The following EDA variants were observed in gnomAD, a reference collection of about 807,000 sequenced individuals.
EDA encodes the protein ectodysplasin-A.
EDA carries 2 observed loss-of-function variants against 23.6 expected under a neutral mutation model. The ratio of observed to expected loss-of-function variants is 0.08; its 90% CI spans 0.03 to 0.27. The LOEUF (loss-of-function observed/expected upper bound fraction) is 0.27, where lower values mean the gene tolerates loss of function less well. EDA is among the 10% of genes least tolerant of loss of function. The pLI, the probability that EDA is intolerant of heterozygous loss-of-function variation, is 1.00. For synonymous variants in EDA, 131 were observed against 132.0 expected (o/e 0.99, Z 0.05); for missense variants, 229 against 324.2 (o/e 0.71, Z 2.26).
chrX:69,718,099 C>T (rs2147339547), intron 1 of EDA, among the ~76,000 whole-genome samples: 1 of 111,868 alleles, frequency 8.9e-6, no homozygotes, highest in South Asian at 3.8e-4. Flanking sequence ...GCCAATTAAA[C>T]CTCTTTTCTT....
chrX:69,889,999 G>A (rs1031817374), intron 1 of EDA, among the ~76,000 whole-genome samples: 5 of 111,690 alleles, frequency 4.5e-5, no homozygotes, highest in African/African-American at 1.6e-4. Context: ...TCTTTTCCAC[G>A]TGGATATTCG....
At chrX:70,018,910 C>G (rs2147497753) in intron 2 of EDA, among the ~76,000 whole-genome samples, 1 of 111,768 alleles carries the variant, frequency 8.9e-6, no homozygotes, top group South Asian at 3.7e-4. Flanking sequence ...AAACAGACAA[C>G]CCAAAGAATG....
chrX:69,683,152 C>T (rs1266952750), intron 1 of EDA, among the ~76,000 whole-genome samples: 2 of 111,119 alleles, frequency 1.8e-5, no homozygotes, highest in African/African-American at 6.5e-5. Context: ...AAAACAGTGC[C>T]TGACCAACAT....
chrX:69,948,744 G>C (rs991917684), intron 1 of EDA, among the ~76,000 whole-genome samples: 2 of 112,426 alleles, frequency 1.8e-5, no homozygotes, highest in Admixed American at 1.9e-4. Context: ...ATTAAAGATA[G>C]ATTCTAGTTC....
intron 1 of EDA, among the ~76,000 whole-genome samples, chrX:69,679,031 A>G (rs1934224156): frequency 1.1e-5 from 1 of 94,373 alleles, no homozygotes. Context: ...TTTAGCATGA[A>G]GGGTTGTTGA....
Position 70,027,998 on chromosome X carries a change from CT to C in EDA, c.669del (p.Gly224ValfsTer56). ...GGACCACCTGGTCCTCCAGGTCCTCCTGGTCCTCAAGGACCCCCTGGCCTCC... is the reference window on the plus strand; with the variant it reads ...GGACCACCTGGTCCTCCAGGTCCTCCGGTCCTCAAGGACCCCCTGGCCTCC... Reference protein sequence around the residue: ...VMGPPGPPGPPGPQGPPGLQG... With the variant: ...VMGPPGPPGPXGPQGPPGLQG... On this transcript the variant is annotated frameshift_variant, in exon 4 of 8. Transcript: ENST00000374552. LOFTEE classifies it high-confidence loss of function. 1 of 1,197,545 alleles carries C rather than the reference CT, an allele frequency of 8.4e-7. No individual in the cohort carries two copies. Among genetic ancestry groups the C allele is most frequent in the East Asian group, 3.0e-5 (1 of 33,031 alleles).
At chrX:69,687,615 A>G in intron 1 of EDA, 1 of 111,970 alleles carries the variant, frequency 8.9e-6, no homozygotes, top group Non-Finnish European at 1.9e-5. Flanking sequence ...TCCTTTAGGT[A>G]TCATTTTAAA....
intron 1 of EDA, among the ~76,000 whole-genome samples, chrX:69,955,577 T>C (rs1018094484): frequency 3.6e-5 from 4 of 111,729 alleles, no homozygotes; most frequent in African/African-American, 1.3e-4. Flanking sequence ...GAATTTTTTA[T>C]TTTTTGAACT....
At chrX:69,781,261 T>G (rs930643801) in intron 1 of EDA, among the ~76,000 whole-genome samples, 1 of 111,393 alleles carries the variant, frequency 9.0e-6, no homozygotes, top group African/African-American at 3.3e-5. Flanking sequence ...AAATTCTACC[T>G]AGGAGTAGAA....
intron 1 of EDA, among the ~76,000 whole-genome samples, chrX:69,798,518 G>C (rs1265658420): frequency 9.0e-6 from 1 of 111,287 alleles, no homozygotes; most frequent in African/African-American, 3.3e-5. Flanking sequence ...GAGGAACTTT[G>C]GAAACTCTAC....
chrX:69,622,467 A>G (rs1044727857), intron 1 of EDA, among the ~76,000 whole-genome samples: 1 of 112,192 alleles, frequency 8.9e-6, no homozygotes, highest in African/African-American at 3.2e-5. Context: ...AAGACTGATG[A>G]GGTTGTGCTC....
intron 1 of EDA, among the ~76,000 whole-genome samples, chrX:69,632,322 A>G (rs986000071): frequency 9.0e-6 from 1 of 111,637 alleles, no homozygotes; most frequent in Non-Finnish European, 1.9e-5. Context: ...CATTGCTCCA[A>G]TCACCCTCTT....
intron 1 of EDA, among the ~76,000 whole-genome samples, chrX:69,931,632 A>G (rs2018600206): frequency 8.9e-6 from 1 of 112,329 alleles, no homozygotes; most frequent in Admixed American, 9.4e-5. Context: ...AATTAAAGCC[A>G]TAATGAGAGA....
chrX:70,031,393 T>TGAAC (rs1459456563), intron 6 of EDA, among the ~76,000 whole-genome samples: 1 of 111,821 alleles, frequency 8.9e-6, no homozygotes, highest in Non-Finnish European at 1.9e-5. Context: ...CAAAGAAACA[T>TGAAC]GAACATTCAT....
At chrX:69,884,050 C>A (rs779343171) in intron 1 of EDA, among the ~76,000 whole-genome samples, 1 of 110,523 alleles carries the variant, frequency 9.0e-6, no homozygotes, top group Non-Finnish European at 1.9e-5. Context: ...GGCAATAGAG[C>A]AAGACCCTAT....
Position 69,616,551 on chromosome X carries a change from GGGCACCCCT to G in EDA, c.250_258del (p.Pro84_Thr86del), listed in dbSNP as rs763527972. On this transcript the variant is annotated inframe_deletion, in exon 1 of 8. Transcript: ENST00000374552. ...GAGCCGAGTCCCGCCTTGGCGGCTC[GGGCACCCCT>G]GGCACCTCTGGCACCCTAAGCAGCC... 53 of 1,209,715 alleles carry G rather than the reference GGGCACCCCT, an allele frequency of 4.4e-5. No homozygotes were observed. The highest frequency in any genetic ancestry group is 4.9e-5 in the Non-Finnish European group (44 of 894,891).
chrX:69,693,786 A>T (rs1934780434), intron 1 of EDA, among the ~76,000 whole-genome samples: 1 of 112,097 alleles, frequency 8.9e-6, no homozygotes, highest in South Asian at 3.7e-4. Context: ...GGAGTGCTCC[A>T]TAAAGGAAAT....
At position 69,982,304 on chromosome X, in the gene EDA, G is replaced by T. The variant is rs146275494; in HGVS notation, c.502+25172G>T. Among the ~76,000 whole-genome samples the T allele has an allele frequency of 9.5e-4, 106 of 111,101 alleles. 3 individuals carry two copies. In the Admixed American group the frequency reaches 9.9e-3, roughly 10 times the overall value. On this transcript the variant is annotated intron_variant, in intron 2 of 7. Coordinates refer to ENST00000374552, the MANE Select transcript of EDA (RefSeq NM_001399.5). ...TGTCAAATCTTGTTTTAGGCACAAG[G>T]AACAAAGTTTCCCTGCCGCTTACAT...
chrX:69,712,594 C>T (rs909425590), intron 1 of EDA, among the ~76,000 whole-genome samples: 1 of 111,340 alleles, frequency 9.0e-6, no homozygotes, highest in Admixed American at 9.6e-5. Flanking sequence ...GAAATAGGAA[C>T]ACTTTTACAC....
Sources: allele counts gnomAD v4.1 joint callset (sites outside exome capture counted in the v4.1 genomes callset), GRCh38; gene constraint gnomAD v4.1.1; transcripts MANE v1.5; gene names NCBI Gene and HGNC (gene_info 2026-07-23, HGNC 2026-07-21).